DNAJB1: variants seen among roughly 807,000 people sequenced by gnomAD.
DNAJB1 encodes DnaJ heat shock protein family (Hsp40) member B1.
In DNAJB1, 14 loss-of-function variants were observed where a neutral mutation model predicts 24.0. The ratio of observed to expected loss-of-function variants is 0.58; its 90% confidence interval spans 0.39 to 0.91. The LOEUF is 0.91. Among genes scored for constraint, DNAJB1 ranks in the 40% least tolerant of loss-of-function variants. The pLI is 0.00. For missense variants in DNAJB1, 517 were observed against 458.1 expected, an observed-to-expected ratio of 1.13 and a Z score of -1.17; for synonymous variants, 262 against 174.4, an observed-to-expected ratio of 1.50 and a Z score of -3.96.
intron 1 of DNAJB1, chr19:14,545,063 A>AAG (rs1375558621): frequency 4.4e-6 from 2 of 456,360 alleles, no homozygotes; most frequent in Non-Finnish European, 8.8e-6. Context: ...TAAGCCTCTC[A>AAG]CCACTGTCTC....
chr19:14,525,087 A>G (rs1016691651), intron 2 of DNAJB1, among the ~76,000 whole-genome samples: 1 of 151,688 alleles, frequency 6.6e-6, no homozygotes, highest in African/African-American at 2.4e-5. Context: ...CACAAAAATT[A>G]GCTGGGCATG....
At chr19:14,548,204 C>T (rs529289062) in intron 1 of DNAJB1, among the ~76,000 whole-genome samples, 6 of 151,834 alleles carry the variant, frequency 4.0e-5, no homozygotes, top group South Asian at 2.1e-4. Context: ...CTTCATGATC[C>T]GCCCCCTCGG....
intron 1 of DNAJB1, among the ~76,000 whole-genome samples, chr19:14,541,814 C>G (rs2073105249): frequency 6.6e-6 from 1 of 150,384 alleles, no homozygotes; most frequent in African/African-American, 2.4e-5. Flanking sequence ...TGGAGTTTCA[C>G]TCTTGTCACC....
intron 1 of DNAJB1, among the ~76,000 whole-genome samples, chr19:14,534,971 C>A (rs527734602): frequency 4.9e-4 from 74 of 152,204 alleles, no homozygotes; most frequent in African/African-American, 1.3e-3. Context: ...ACAGAGCATC[C>A]CTGAAGGGAG....
upstream of DNAJB1, chr19:14,529,513 G>T (rs2072526292): frequency 2.5e-6 from 2 of 785,486 alleles, no homozygotes; most frequent in Non-Finnish European, 4.4e-6. Flanking sequence ...CCAAGGAGCA[G>T]GGGCGAACGT....
chr19:14,529,632 C>G (rs546240195), upstream of DNAJB1: 71 of 1,612,540 alleles, frequency 4.4e-5, no homozygotes, highest in African/African-American at 7.9e-4. Context: ...CTGTAGGGAG[C>G]CTGTGCTGTG....
upstream of DNAJB1, chr19:14,530,297 A>G (rs961338363): frequency 1.3e-5 from 2 of 158,766 alleles, no homozygotes; most frequent in African/African-American, 4.8e-5. Flanking sequence ...CCAAGGAGAA[A>G]TCTTATACCC....
chr19:14,551,795 T>C (rs1240807602), upstream of DNAJB1, among the ~76,000 whole-genome samples: 1 of 152,064 alleles, frequency 6.6e-6, no homozygotes, highest in Non-Finnish European at 1.5e-5. Flanking sequence ...GAGGATCGCA[T>C]CCAGGGTGGT....
At chr19:14,535,278 T>C (rs927850429) in intron 1 of DNAJB1, among the ~76,000 whole-genome samples, 4 of 151,210 alleles carry the variant, frequency 2.6e-5, no homozygotes, top group Admixed American at 2.0e-4. Flanking sequence ...GAGGCCGAGG[T>C]GGGTGAATCA....
In DNAJB1 at chr19:14,516,076, T is replaced by G; in HGVS notation, c.887A>C (p.Lys296Thr). 1.2e-6 allele frequency: 2 copies of G among 1,613,732 alleles called. No individual in the cohort carries two copies. The highest frequency in any genetic ancestry group is 1.7e-6 in the Non-Finnish European group (2 of 1,179,852). ...GAGGGGGAGGCCTTCTCCAGGAACT[T>G]TTCGCCGCATGCCAGGCCTGATAAC... ...KDVIRPGMRR[K>T]VPGEGLPLPK... The change falls in exon 3 of 3, where the codon AAA becomes ACA. Residue 296 changes from lysine to threonine, a missense_variant. Physicochemically the swap from Lys to Thr is moderately conservative, Grantham distance 78. Transcript: ENST00000254322.
At chr19:14,557,157 T>TTTA (rs1280344884) in intron 1 of DNAJB1, among the ~76,000 whole-genome samples, 8 of 39,894 alleles carry the variant, frequency 2.0e-4, no homozygotes, top group East Asian at 6.1e-4. Flanking sequence ...TTATTTATTT[T>TTTA]GAGACAGGGT....
intron 1 of DNAJB1, 163 bp from the exon 2 acceptor site, chr19:14,517,209 C>G: frequency 1.5e-6 from 1 of 648,204 alleles, no homozygotes; most frequent in Admixed American, 3.0e-5. Context: ...CTGCCAACAG[C>G]AGAGACGCCC....
chr19:14,517,078 C>G, intron 1 of DNAJB1, 32 bp from the exon 2 acceptor site: 2 of 1,571,870 alleles, frequency 1.3e-6, no homozygotes, highest in Middle Eastern at 1.7e-4. Context: ...AGTCAGATGG[C>G]TGAACAGCAG....
intron 2 of DNAJB1, 73 bp downstream of exon 2, chr19:14,516,393 G>T (rs1316379888): frequency 2.0e-6 from 3 of 1,507,138 alleles, no homozygotes; most frequent in East Asian, 4.5e-5. Context: ...CAACACATTG[G>T]TTCAGCAAAT....
At chr19:14,553,995 G>T (rs1850599409), upstream of DNAJB1, among the ~76,000 whole-genome samples, 2 of 152,172 alleles carry the variant, frequency 1.3e-5, no homozygotes. Context: ...GCAGTCCCCT[G>T]CGGGGTCCGA....
At chr19:14,522,695 C>G (rs796731063), upstream of DNAJB1, among the ~76,000 whole-genome samples, 2,882 of 145,538 alleles carry the variant, frequency 0.02, 64 homozygotes, top group African/African-American at 0.054. Context: ...CACACACACA[C>G]ACACACACAC....
At chr19:14,547,142 C>T (rs2073335670) in intron 1 of DNAJB1, among the ~76,000 whole-genome samples, 1 of 152,200 alleles carries the variant, frequency 6.6e-6, no homozygotes, top group Admixed American at 6.5e-5. Context: ...AGAGCTTATT[C>T]ATAGCCTCTT....
chr19:14,555,287 G>A (rs1174268613), upstream of DNAJB1, among the ~76,000 whole-genome samples: 2 of 148,904 alleles, frequency 1.3e-5, no homozygotes, highest in East Asian at 4.1e-4. Context: ...CTTGCTCTGT[G>A]GCCCAGGCTG....
upstream of DNAJB1, chr19:14,518,426 C>G (rs901916789): frequency 4.0e-5 from 49 of 1,237,232 alleles, no homozygotes; most frequent in Non-Finnish European, 5.0e-5. Context: ...ACTCTATATA[C>G]CCGTCCGGCG....
Sources: gnomAD v4.1 joint callset for allele counts (sites outside exome capture counted in the v4.1 genomes callset) on GRCh38, gnomAD v4.1.1 for gene constraint, MANE v1.5 for transcripts, NCBI Gene and HGNC (gene_info 2026-07-23, HGNC 2026-07-21) for gene names.